UBR3: variants seen among roughly 807,000 people sequenced by gnomAD.
UBR3 encodes the protein ubiquitin protein ligase E3 component n-recognin 3.
UBR3 carries 85 observed loss-of-function variants against 243.2 expected under a neutral mutation model. The observed-to-expected ratio is 0.35, with a 90% CI of 0.29 to 0.42. The LOEUF (loss-of-function observed/expected upper bound fraction) is 0.42. Among genes scored for constraint, UBR3 ranks in the 10% least tolerant of loss-of-function variants. UBR3 has a pLI of 1.00. For synonymous variants in UBR3, 748 were observed against 799.8 expected, an observed-to-expected ratio of 0.94 and a Z score of 1.09; for missense variants, 1,686 against 2,300.8, an observed-to-expected ratio of 0.73 and a Z score of 5.47.
At chr2:170,019,722 C>A (rs1207580498) in intron 30 of UBR3, among the ~76,000 whole-genome samples, 1 of 152,138 alleles carries the variant, frequency 6.6e-6, no homozygotes, top group African/African-American at 2.4e-5. Context: ...ACATTAATTT[C>A]TCCCTACAGT....
At chr2:170,051,800 T>A (rs1418380407) in intron 32 of UBR3, among the ~76,000 whole-genome samples, 3 of 152,238 alleles carry the variant, frequency 2.0e-5, no homozygotes, top group Non-Finnish European at 4.4e-5. Flanking sequence ...TGTCACTTAT[T>A]AAAATATTTC....
chr2:170,064,875 C>CT (rs1239387955), intron 35 of UBR3, among the ~76,000 whole-genome samples: 1 of 137,270 alleles, frequency 7.3e-6, no homozygotes, highest in East Asian at 2.2e-4. Flanking sequence ...CAGAGACTCG[C>CT]TTTGTCGCCC....
intron 31 of UBR3, among the ~76,000 whole-genome samples, chr2:170,033,585 C>A (rs1172697126): frequency 6.3e-5 from 7 of 111,606 alleles, no homozygotes; most frequent in East Asian, 3.2e-4. Context: ...ACACCCACCC[C>A]CCCCCCCCCC....
chr2:169,887,459 C>T (rs1478143416), intron 5 of UBR3, among the ~76,000 whole-genome samples: 2 of 152,038 alleles, frequency 1.3e-5, no homozygotes, highest in South Asian at 2.1e-4. Flanking sequence ...GTTTTGTTTT[C>T]GTTTTCCTTA....
intron 11 of UBR3, among the ~76,000 whole-genome samples, chr2:169,914,756 C>T (rs2085386318): frequency 6.6e-6 from 1 of 152,136 alleles, no homozygotes; most frequent in South Asian, 2.1e-4. Flanking sequence ...TCAGACAGCT[C>T]ACCCCCACTT....
intron 27 of UBR3, among the ~76,000 whole-genome samples, chr2:170,004,269 G>A (rs2089824694): frequency 6.6e-6 from 1 of 152,140 alleles, no homozygotes; most frequent in Non-Finnish European, 1.5e-5. Context: ...TCTGGAGCAT[G>A]AGGGGGAAGA....
intron 29 of UBR3, among the ~76,000 whole-genome samples, chr2:170,010,546 A>C (rs1001608391): frequency 6.6e-6 from 1 of 152,170 alleles, no homozygotes; most frequent in African/African-American, 2.4e-5. Flanking sequence ...TTCTTGGTTT[A>C]AGTTTGTAAG....
chr2:169,895,206 G>T lies in UBR3; in HGVS notation c.1131G>T (p.Lys377Asn). 1 of 1,530,888 alleles carries T rather than the reference G, an allele frequency of 6.5e-7. No individual in the cohort carries two copies. Among genetic ancestry groups the T allele is most frequent in the East Asian group, 2.5e-5 (1 of 40,606 alleles). 94.8% of individuals were successfully genotyped at this position (1,530,888 alleles called of 1,614,324 possible). A position where few individuals can be genotyped will look rare whatever the true frequency, so the allele number is the denominator to read the frequency against. ...TKDQSIMDVLKHKSFLEELLF... is the reference protein window; with the variant it reads ...TKDQSIMDVLNHKSFLEELLF... ...ATCAATCCATAATGGATGTTTTGAAGCATAAAAGCTTCCTAGAAGAACTAT... is the reference window on the plus strand; with the variant it reads ...ATCAATCCATAATGGATGTTTTGAATCATAAAAGCTTCCTAGAAGAACTAT... Residue 377 changes from lysine to asparagine, a missense_variant, in exon 7 of 39, where the codon AAG (lysine) becomes AAT (asparagine). Physicochemically the swap from Lys to Asn is moderately conservative, Grantham distance 94. Transcript: ENST00000272793.
At chr2:169,882,331 T>C (rs1233572116) in intron 5 of UBR3, among the ~76,000 whole-genome samples, 1 of 140,228 alleles carries the variant, frequency 7.1e-6, no homozygotes, top group East Asian at 2.0e-4. Flanking sequence ...ATTATATATG[T>C]ATTATATAAT....
rs1559088903 is a variant in UBR3 at position 169,914,869 on chromosome 2, TG to T, written c.1866+724del. On this transcript the variant is annotated intron_variant, in intron 11 of 38. Transcript: ENST00000272793. ...TCTCTTGTGTGTGTGTGTGTGTGTG[TG>T]TGTTTTTTTTCCTTTCTGTTTAAAA... 1.5e-3 allele frequency among the ~76,000 whole-genome samples: 79 copies of T among 51,836 alleles called. No homozygotes were observed. The East Asian group carries it at 0.025, about 16-fold the overall frequency. The allele number at this position is 51,836 out of a possible 152,430, so 34.0% of individuals were successfully genotyped here.
intron 35 of UBR3, among the ~76,000 whole-genome samples, chr2:170,062,004 A>AT (rs1365741239): frequency 6.6e-6 from 1 of 152,222 alleles, no homozygotes; most frequent in Non-Finnish European, 1.5e-5. Context: ...TACTTGATGA[A>AT]TAGGACCATA....
chr2:169,971,356 T>C (rs1293296726), intron 24 of UBR3, among the ~76,000 whole-genome samples: 2 of 151,310 alleles, frequency 1.3e-5, no homozygotes, highest in Non-Finnish European at 3.0e-5. Flanking sequence ...AATTTTGGCT[T>C]TTGTTGCCAT....
intron 1 of UBR3, among the ~76,000 whole-genome samples, chr2:169,857,579 A>C (rs1574060462): frequency 1.5e-5 from 2 of 134,034 alleles, no homozygotes. Flanking sequence ...ACCACGTCTG[A>C]CTAATGTTTT....
chr2:169,839,850 G>A (rs1041582249), intron 1 of UBR3, among the ~76,000 whole-genome samples: 1 of 152,186 alleles, frequency 6.6e-6, no homozygotes, highest in Non-Finnish European at 1.5e-5. Context: ...CACTGTGTTG[G>A]GGGTTGGGTC....
chr2:169,895,935 T>C (rs2105327661), intron 7 of UBR3, among the ~76,000 whole-genome samples: 1 of 152,102 alleles, frequency 6.6e-6, no homozygotes, highest in South Asian at 2.1e-4. Context: ...AGTGTCATTG[T>C]TTTGTGTGTC....
Position 169,871,125 on chromosome 2 carries a change from A to G in UBR3, c.546-1111A>G, listed in dbSNP as rs1391773487. ...TGGTAATTATGTGTTTGGTCACAGA[A>G]TAACTTATTTGTGATTATTTGGATG... On this transcript the variant is annotated intron_variant, in intron 1 of 38. Transcript: ENST00000272793. Among the ~76,000 whole-genome samples, 3 of 152,166 alleles carry G rather than the reference A, an allele frequency of 2.0e-5. No individual in the cohort carries two copies. In the East Asian group the frequency reaches 5.8e-4, roughly 29 times the overall value.
At position 169,972,496 on chromosome 2, in the gene UBR3, A is replaced by G. The variant is rs533447724; in HGVS notation, c.3634+13970A>G. On this transcript the variant is annotated intron_variant, in intron 24 of 38. Coordinates refer to ENST00000272793, the MANE Select transcript of UBR3 (RefSeq NM_172070.4). ...TTTTAGATCAATATCCTTGATGAAC[A>G]TTGATGCAAAAATCCTCAATAAAAT... is the stretch of plus-strand genomic sequence containing the variant. Among the ~76,000 whole-genome samples the G allele has an allele frequency of 6.0e-4, 92 of 152,378 alleles. 4 individuals carry two copies. The South Asian group carries it at 0.019, about 31-fold the overall frequency.
intron 24 of UBR3, among the ~76,000 whole-genome samples, chr2:169,974,499 A>G (rs998261503): frequency 6.6e-6 from 1 of 151,994 alleles, no homozygotes; most frequent in Admixed American, 6.6e-5. Context: ...TTTCCGTGGC[A>G]TCGTTTGTAA....
Position 170,003,741 on chromosome 2 carries a change from C to T in UBR3, c.4029+2327C>T, listed in dbSNP as rs368487932. 9.9e-5 allele frequency among the ~76,000 whole-genome samples: 15 copies of T among 152,164 alleles called. No homozygotes were observed. The East Asian group carries it at 2.3e-3, about 24-fold the overall frequency. On this transcript the variant is annotated intron_variant, in intron 27 of 38. Transcript: ENST00000272793. ...CTGCAAGCTCCGCCTTCCAGGTTCA[C>T]GCCGTTCTCCTGCCTCAGCCTCCCG...
Sources: gnomAD v4.1 joint callset for allele counts (sites outside exome capture counted in the v4.1 genomes callset) on GRCh38, gnomAD v4.1.1 for gene constraint, MANE v1.5 for transcripts, NCBI Gene and HGNC (gene_info 2026-07-23, HGNC 2026-07-21) for gene names.